WWOX: variants seen among roughly 807,000 people sequenced by gnomAD.
WWOX encodes WW domain containing oxidoreductase.
In WWOX, 69 loss-of-function variants were observed where a neutral mutation model predicts 46.2. The ratio of observed to expected loss-of-function variants is 1.49; its 90% CI spans 1.23 to 1.82. The LOEUF (loss-of-function observed/expected upper bound fraction) is 1.82. WWOX is among the 40% of genes most tolerant of loss of function. The pLI, the probability that WWOX is intolerant of heterozygous loss-of-function variation, is 0.00. For missense variants in WWOX, 919 were observed against 542.6 expected, an observed-to-expected ratio of 1.69 and a Z score of -6.89; for synonymous variants, 359 against 202.6, an observed-to-expected ratio of 1.77 and a Z score of -6.56.
At chr16:78,633,323 G>T (rs1365397506) in intron 8 of WWOX, among the ~76,000 whole-genome samples, 1 of 152,064 alleles carries the variant, frequency 6.6e-6, no homozygotes, top group Non-Finnish European at 1.5e-5. Flanking sequence ...ATCTTCTATG[G>T]GGCTACCCAA....
intron 8 of WWOX, among the ~76,000 whole-genome samples, chr16:79,166,580 T>TGTGTC (rs1265521182): frequency 6.6e-6 from 1 of 152,192 alleles, no homozygotes; most frequent in Non-Finnish European, 1.5e-5. Flanking sequence ...TTGAATTGAC[T>TGTGTC]ATGTCAGGTA....
intron 8 of WWOX, among the ~76,000 whole-genome samples, chr16:78,696,431 AT>A: frequency 6.6e-6 from 1 of 152,184 alleles, no homozygotes; most frequent in East Asian, 1.9e-4. Flanking sequence ...TGAGAAAACC[AT>A]ACACATCCAG....
chr16:78,882,119 C>T (rs969066046), intron 8 of WWOX, among the ~76,000 whole-genome samples: 2 of 152,102 alleles, frequency 1.3e-5, no homozygotes, highest in Non-Finnish European at 2.9e-5. Flanking sequence ...GAGCAAGAGT[C>T]CATTTACAAA....
At chr16:79,092,046 G>A (rs1315337800) in intron 8 of WWOX, among the ~76,000 whole-genome samples, 1 of 152,026 alleles carries the variant, frequency 6.6e-6, no homozygotes, top group Non-Finnish European at 1.5e-5. Flanking sequence ...CTCCCAAAGT[G>A]CTGGGATTAC....
At chr16:78,531,885 A>AT (rs2043631758) in intron 8 of WWOX, among the ~76,000 whole-genome samples, 1 of 152,026 alleles carries the variant, frequency 6.6e-6, no homozygotes, top group Admixed American at 6.6e-5. Flanking sequence ...AAATAAATAA[A>AT]AATTGTTTAA....
chr16:78,352,500 C>G (rs1176871461), intron 5 of WWOX, among the ~76,000 whole-genome samples: 2 of 152,314 alleles, frequency 1.3e-5, no homozygotes, highest in Non-Finnish European at 2.9e-5. Flanking sequence ...TCTTCAAAGC[C>G]AGGGATGGCT....
chr16:78,557,755 G>T (rs1042110374), intron 8 of WWOX, among the ~76,000 whole-genome samples: 5 of 144,496 alleles, frequency 3.5e-5, no homozygotes, highest in African/African-American at 1.4e-4. Context: ...GAGTGCAGTG[G>T]CGCGATGTCA....
chr16:79,191,552 G>A (rs1166752867), intron 8 of WWOX, among the ~76,000 whole-genome samples: 3 of 152,214 alleles, frequency 2.0e-5, no homozygotes, highest in Non-Finnish European at 4.4e-5. Context: ...CTAGCTGGTC[G>A]AAGGTCCTGT....
chr16:78,532,752 T>A (rs1376269781), intron 8 of WWOX, among the ~76,000 whole-genome samples: 1 of 152,122 alleles, frequency 6.6e-6, no homozygotes, highest in East Asian at 1.9e-4. Flanking sequence ...TACCGTCAGA[T>A]TCCTTGAGAC....
At chr16:78,640,194 T>G (rs892915925) in intron 8 of WWOX, among the ~76,000 whole-genome samples, 7 of 145,656 alleles carry the variant, frequency 4.8e-5, no homozygotes, top group South Asian at 2.2e-4. Context: ...GGGTCATGGG[T>G]GTGTGTGTGT....
chr16:78,596,794 A>G (rs778212544), intron 8 of WWOX, among the ~76,000 whole-genome samples: 8 of 125,620 alleles, frequency 6.4e-5, no homozygotes, highest in Non-Finnish European at 1.4e-4. Flanking sequence ...AATGATATAA[A>G]TCAGCACGGT....
At position 78,887,740 on chromosome 16, in the gene WWOX, C is replaced by T. The variant is rs527544559; in HGVS notation, c.1057-323868C>T. On this transcript the variant is annotated intron_variant, in intron 8 of 8. Transcript: ENST00000566780. ...ATGTGACAAAACAAAAGAAGATTTCCAAATCAAAATTCCCATTTGCCTTTC... is the reference window on the plus strand; with the variant it reads ...ATGTGACAAAACAAAAGAAGATTTCTAAATCAAAATTCCCATTTGCCTTTC... Among the ~76,000 whole-genome samples, 6 of 152,192 alleles carry T rather than the reference C, an allele frequency of 3.9e-5. No homozygotes were observed. In the South Asian group the frequency reaches 8.3e-4, roughly 21 times the overall value.
Position 78,448,592 on chromosome 16 carries a change from A to G in WWOX, c.1056+15840A>G, listed in dbSNP as rs538831506. On this transcript the variant is annotated intron_variant, in intron 8 of 8. Coordinates refer to ENST00000566780, the MANE Select transcript of WWOX (RefSeq NM_016373.4). ...TGTCAAGCAGTACAGGCTTTATTCAATGGCCATGGAATTGAGAAGCAGGAG... is the reference window on the plus strand; with the variant it reads ...TGTCAAGCAGTACAGGCTTTATTCAGTGGCCATGGAATTGAGAAGCAGGAG... Among the ~76,000 whole-genome samples, 5 of 152,280 alleles carry G rather than the reference A, an allele frequency of 3.3e-5. No homozygotes were observed. In the South Asian group the frequency reaches 6.2e-4, roughly 19 times the overall value.
At position 78,303,243 on chromosome 16, in the gene WWOX, C is replaced by A. The variant is rs183403452; in HGVS notation, c.517-83617C>A. ...ACTTAAGCAATGACAAATTCTTTTT[C>A]TGATAGACAAAGTAAAGTATAAATA... On this transcript the variant is annotated intron_variant, in intron 5 of 8. Coordinates refer to ENST00000566780, the MANE Select transcript of WWOX (RefSeq NM_016373.4). Among the ~76,000 whole-genome samples, 594 of 152,202 alleles carry A rather than the reference C, an allele frequency of 3.9e-3. 5 individuals carry two copies. The highest frequency in any genetic ancestry group is 5.4e-3 in the Non-Finnish European group (369 of 68,014).
chr16:78,567,380 C>T (rs975917666), intron 8 of WWOX, among the ~76,000 whole-genome samples: 4 of 148,122 alleles, frequency 2.7e-5, no homozygotes, highest in Non-Finnish European at 4.4e-5. Flanking sequence ...CCCGTCTCTA[C>T]TAAAAATACA....
At chr16:78,326,394 G>C (rs2151888046) in intron 5 of WWOX, among the ~76,000 whole-genome samples, 1 of 152,152 alleles carries the variant, frequency 6.6e-6, no homozygotes, top group African/African-American at 2.4e-5. Context: ...TCATACTTAG[G>C]AAAATGCCAG....
intron 8 of WWOX, among the ~76,000 whole-genome samples, chr16:79,131,668 G>A (rs1280480390): frequency 6.6e-6 from 1 of 152,140 alleles, no homozygotes; most frequent in Non-Finnish European, 1.5e-5. Flanking sequence ...CAGCATCAGT[G>A]AATTAACACA....
intron 5 of WWOX, among the ~76,000 whole-genome samples, chr16:78,263,370 G>C (rs546436947): frequency 1.3e-5 from 2 of 152,176 alleles, no homozygotes; most frequent in Non-Finnish European, 2.9e-5. Context: ...TCCATCCAGG[G>C]CCATGTGCTC....
At chr16:78,194,158 G>A (rs548629807) in intron 5 of WWOX, among the ~76,000 whole-genome samples, 2 of 152,160 alleles carry the variant, frequency 1.3e-5, no homozygotes, top group East Asian at 1.9e-4. Flanking sequence ...GATTACAGGC[G>A]TGAGCAACTT....
Sources: gnomAD v4.1 joint callset for allele counts (sites outside exome capture counted in the v4.1 genomes callset) on GRCh38, gnomAD v4.1.1 for gene constraint, MANE v1.5 for transcripts, NCBI Gene and HGNC (gene_info 2026-07-23, HGNC 2026-07-21) for gene names.